CTNNA1: variants seen among roughly 807,000 people sequenced by gnomAD.
CTNNA1 encodes catenin alpha 1, also known as catenin alpha-1.
A neutral mutation model predicts 98.4 loss-of-function variants in CTNNA1; 37 were observed. The ratio of observed to expected loss-of-function variants is 0.38; its 90% CI spans 0.29 to 0.49. CTNNA1 has a LOEUF of 0.49. Ranked by LOEUF, CTNNA1 falls within the 20% of genes least tolerant of loss-of-function variation. The pLI is 0.95. For synonymous variants in CTNNA1, 404 were observed against 413.2 expected, an observed-to-expected ratio of 0.98 and a Z score of 0.27; for missense variants, 761 against 1,147.2, an observed-to-expected ratio of 0.66 and a Z score of 4.86.
chr5:138,924,459 C>T, intron 11 of CTNNA1, 51 bp from the exon 12 acceptor site: 2 of 1,590,790 alleles, frequency 1.3e-6, no homozygotes, highest in South Asian at 2.3e-5. Flanking sequence ...ACAGTTGCCA[C>T]CTTTTCATAG....
chr5:138,881,347 A>G (rs1752858270), intron 7 of CTNNA1, among the ~76,000 whole-genome samples: 1 of 152,244 alleles, frequency 6.6e-6, no homozygotes, highest in South Asian at 2.1e-4. Context: ...TTACATGTTC[A>G]GCTTAGGCAG....
At chr5:138,781,060 G>C (rs1043941551) in intron 1 of CTNNA1, among the ~76,000 whole-genome samples, 23 of 152,252 alleles carry the variant, frequency 1.5e-4, no homozygotes, top group Non-Finnish European at 2.6e-4. Flanking sequence ...ATTTCTTCTG[G>C]CTATGAGTGA....
At chr5:138,790,115 G>T (rs1377395386) in intron 3 of CTNNA1, among the ~76,000 whole-genome samples, 2 of 152,178 alleles carry the variant, frequency 1.3e-5, no homozygotes. Flanking sequence ...GTCTGGAGAT[G>T]ACCATAGTAG....
At position 138,776,825 on chromosome 5, in the gene CTNNA1, ACGGGGCGGCTGG is replaced by A. The variant is rs1561513067; in HGVS notation, c.-2-5096_-2-5085del. Among the ~76,000 whole-genome samples, 18 of 127,306 alleles carry A rather than the reference ACGGGGCGGCTGG, an allele frequency of 1.4e-4. 1 individual carries two copies. The highest frequency in any genetic ancestry group is 5.2e-4 in the African/African-American group (16 of 30,830). 83.5% of individuals were successfully genotyped at this position (127,306 alleles called of 152,430 possible). A position where few individuals can be genotyped will look rare whatever the true frequency, so the allele number is the denominator to read the frequency against. On this transcript the variant is annotated intron_variant, in intron 1 of 17. Coordinates refer to ENST00000302763, the MANE Select transcript of CTNNA1 (RefSeq NM_001903.5). ...GCTGACCCCCCCACCTCCCTCCCGG[ACGGGGCGGCTGG>A]CCGGGCGGGGGGGCTGACTCCCCCA...
intron 11 of CTNNA1, among the ~76,000 whole-genome samples, chr5:138,923,364 C>A (rs1763318217): frequency 1.3e-5 from 2 of 152,130 alleles, no homozygotes; most frequent in Non-Finnish European, 2.9e-5. Context: ...TATGTTTACT[C>A]TTTTCATTAG....
At chr5:138,881,128 G>T (rs1192216907) in intron 7 of CTNNA1, 1 of 456,244 alleles carries the variant, frequency 2.2e-6, no homozygotes, top group Admixed American at 2.3e-5. Context: ...AGGCTGGAGA[G>T]AGCAGTGAGG....
intron 3 of CTNNA1, among the ~76,000 whole-genome samples, chr5:138,801,249 G>A (rs972503472): frequency 6.6e-6 from 1 of 152,198 alleles, no homozygotes; most frequent in African/African-American, 2.4e-5. Flanking sequence ...CCTTGACTGC[G>A]AATGGCACCA....
At chr5:138,823,505 A>C (rs1413144729) in intron 5 of CTNNA1, among the ~76,000 whole-genome samples, 1 of 152,158 alleles carries the variant, frequency 6.6e-6, no homozygotes, top group East Asian at 1.9e-4. Flanking sequence ...TGTGTAAGAA[A>C]AGTGTGGTTC....
At position 138,783,245 on chromosome 5, in the gene CTNNA1, C is replaced by G; in HGVS notation, c.174C>G (p.Ala58=). ...SNKKRGRSKK[A]HVLAASVEQA... ...AGAAGAGAGGTCGTTCTAAGAAGGC[C>G]CATGTTTTGGCTGCATCTGTTGAAC... The change falls in exon 3 of 18, where the codon GCC becomes GCG. Residue 58 remains alanine (A), a synonymous_variant. Transcript: ENST00000302763. 1 of 1,613,988 alleles carries G rather than the reference C, an allele frequency of 6.2e-7. No individual in the cohort carries two copies. Among genetic ancestry groups the G allele is most frequent in the Non-Finnish European group, 8.5e-7 (1 of 1,179,968 alleles).
rs940244390 is a variant in CTNNA1 at position 138,795,117 on chromosome 5, A to G, written c.301+11745A>G. Among the ~76,000 whole-genome samples, 5 of 142,426 alleles carry G rather than the reference A, an allele frequency of 3.5e-5. 1 individual carries two copies. The highest frequency in any genetic ancestry group is 1.3e-4 in the African/African-American group (5 of 37,786). 93.4% of individuals were successfully genotyped at this position (142,426 alleles called of 152,430 possible). On this transcript the variant is annotated intron_variant, in intron 3 of 17. Transcript: ENST00000302763. ...ATAAGCCAAGGTTGCGCCACTGCAC[A>G]CCACCACCACCCTAGGTGAAGGAGT...
rs1020221177 is a variant in CTNNA1 at position 138,777,673 on chromosome 5, C to T, written c.-2-4250C>T. Among the ~76,000 whole-genome samples the T allele has an allele frequency of 8.8e-4, 134 of 151,876 alleles. 2 individuals carry two copies. The highest frequency in any genetic ancestry group is 2.5e-4 in the Non-Finnish European group (17 of 67,992). On this transcript the variant is annotated intron_variant, in intron 1 of 17. Coordinates refer to ENST00000302763, the MANE Select transcript of CTNNA1 (RefSeq NM_001903.5). ...GAGCTGGAGACCAGCCCGGCTAACACAGTGAAACCCCGTCTCCACCAAAAA... is the reference window on the plus strand; with the variant it reads ...GAGCTGGAGACCAGCCCGGCTAACATAGTGAAACCCCGTCTCCACCAAAAA...
chr5:138,840,289 C>G (rs967933493), intron 7 of CTNNA1, among the ~76,000 whole-genome samples: 2 of 152,342 alleles, frequency 1.3e-5, no homozygotes, highest in South Asian at 4.1e-4. Context: ...ATTGCTTGCT[C>G]TCTGCCTCTA....
intron 17 of CTNNA1, 164 bp downstream of exon 17, chr5:138,932,876 T>C: frequency 1.1e-6 from 1 of 918,722 alleles, no homozygotes; most frequent in Non-Finnish European, 1.8e-6. Context: ...GTCCATCATC[T>C]GTTCCCTGTA....
chr5:138,766,746 C>T (rs1752981230), intron 1 of CTNNA1, among the ~76,000 whole-genome samples: 1 of 151,962 alleles, frequency 6.6e-6, no homozygotes, highest in Non-Finnish European at 1.5e-5. Flanking sequence ...GTTTGGGGCT[C>T]ATGGAGTTTG....
At position 138,874,201 on chromosome 5, in the gene CTNNA1, T is replaced by G. The variant is rs945429857; in HGVS notation, c.1063-12011T>G. 2.5e-6 allele frequency: 4 copies of G among 1,613,898 alleles called. No homozygotes were observed. In the Admixed American group the frequency reaches 5.0e-5, roughly 20 times the overall value. ...AAGTTGTGTTTGGCAAGTAAAATAT[T>G]TTGTTGGAACTTAAGATTAATTCCT... is the stretch of plus-strand genomic sequence containing the variant. On this transcript the variant is annotated intron_variant, in intron 7 of 17. Coordinates refer to ENST00000302763, the MANE Select transcript of CTNNA1 (RefSeq NM_001903.5). This position sits in a 1 kb window ranked among gnomAD's most constrained non-coding sequence, Gnocchi z 4.1.
intron 7 of CTNNA1, among the ~76,000 whole-genome samples, chr5:138,867,758 T>C (rs1326434442): frequency 2.6e-5 from 4 of 151,644 alleles, no homozygotes; most frequent in African/African-American, 9.7e-5. Context: ...TTTTTTTTTT[T>C]TTCTTTTTTT....
chr5:138,862,506 C>G (rs1764383699), intron 7 of CTNNA1, among the ~76,000 whole-genome samples: 1 of 151,990 alleles, frequency 6.6e-6, no homozygotes, highest in Non-Finnish European at 1.5e-5. Context: ...ACTTGTTGTC[C>G]TATATAATTT....
intron 1 of CTNNA1, among the ~76,000 whole-genome samples, chr5:138,763,990 G>T (rs1752634061): frequency 6.6e-6 from 1 of 152,106 alleles, no homozygotes. Context: ...TTCAAGACTA[G>T]CCTGACTAAC....
chr5:138,781,914 C>T lies in CTNNA1; in HGVS notation c.-2-9C>T, dbSNP rs1165086182. The T allele has an allele frequency of 1.3e-6, 2 of 1,569,120 alleles. No individual in the cohort carries two copies. The highest frequency in any genetic ancestry group is 1.7e-6 in the Non-Finnish European group (2 of 1,166,920). On this transcript the variant is annotated splice_polypyrimidine_tract_variant and intron_variant, in intron 1 of 17. Transcript: ENST00000302763. The stretch of plus-strand genomic sequence containing the variant: ...TGTTTGCCTGACTGACTTTTTGTTT[C>T]TTATTTAGAAATGACTGCTGTCCAT...
Sources: allele counts gnomAD v4.1 joint callset (sites outside exome capture counted in the v4.1 genomes callset), GRCh38; gene constraint gnomAD v4.1.1; non-coding constraint Gnocchi (gnomAD v3.1); transcripts MANE v1.5; gene names NCBI Gene and HGNC (gene_info 2026-07-23, HGNC 2026-07-21).